Variants in VPS13B observed in about 807,000 individuals in gnomAD.
VPS13B encodes the protein vacuolar protein sorting 13 homolog B.
In VPS13B, 285 loss-of-function variants were observed where a neutral mutation model predicts 426.4. The ratio of observed to expected loss-of-function variants is 0.67; its 90% confidence interval spans 0.61 to 0.74. VPS13B has a LOEUF of 0.74. Among genes scored for constraint, VPS13B ranks in the 30% least tolerant of loss-of-function variants. The pLI is 0.00. For missense variants in VPS13B, 4,537 were observed against 4,782.6 expected (o/e 0.95, Z 1.51); for synonymous variants, 1,676 against 1,676.4 (o/e 1.00, Z 0.01).
intron 4 of VPS13B, among the ~76,000 whole-genome samples, chr8:99,098,681 C>G (rs1453044431): frequency 6.6e-6 from 1 of 151,992 alleles, no homozygotes; most frequent in African/African-American, 2.4e-5. Flanking sequence ...AGGTTTTTGG[C>G]ATAAAATGGC....
At chr8:99,321,325 T>C (rs1809975144) in intron 19 of VPS13B, among the ~76,000 whole-genome samples, 1 of 150,582 alleles carries the variant, frequency 6.6e-6, no homozygotes, top group Non-Finnish European at 1.5e-5. Flanking sequence ...TTCTCCTGCC[T>C]CAGTCTCCTG....
intron 47 of VPS13B, 22 bp from the exon 48 acceptor site, chr8:99,819,390 G>T (rs1247988854): frequency 6.2e-7 from 1 of 1,611,420 alleles, no homozygotes; most frequent in Non-Finnish European, 8.5e-7. Flanking sequence ...AATTATTCTT[G>T]GTTTTTATTT....
At chr8:99,417,642 CTTGAACA>C (rs774013867) in intron 21 of VPS13B, among the ~76,000 whole-genome samples, 1 of 152,126 alleles carries the variant, frequency 6.6e-6, no homozygotes, top group Non-Finnish European at 1.5e-5. Context: ...CTATATATAA[CTTGAACA>C]TTGAATTCTA....
intron 25 of VPS13B, among the ~76,000 whole-genome samples, chr8:99,493,597 C>T (rs1180342957): frequency 6.6e-6 from 1 of 151,732 alleles, no homozygotes; most frequent in Non-Finnish European, 1.5e-5. Context: ...TCATCCTGGC[C>T]AACATGGCAA....
At chr8:99,860,468 A>G (rs1816779691) in intron 57 of VPS13B, among the ~76,000 whole-genome samples, 1 of 152,214 alleles carries the variant, frequency 6.6e-6, no homozygotes, top group Non-Finnish European at 1.5e-5. Context: ...TTTTTATGTT[A>G]AAATAAGACA....
intron 24 of VPS13B, among the ~76,000 whole-genome samples, chr8:99,477,968 C>T (rs1056860560): frequency 2.0e-5 from 3 of 151,934 alleles, no homozygotes; most frequent in Non-Finnish European, 4.4e-5. Flanking sequence ...TATGCTTATT[C>T]CAAAGTTAAA....
chr8:99,579,394 G>C (rs1825934537), intron 33 of VPS13B, among the ~76,000 whole-genome samples: 1 of 152,006 alleles, frequency 6.6e-6, no homozygotes, highest in Admixed American at 6.6e-5. Context: ...AACACTACCA[G>C]AATTTTTTTT....
chr8:99,591,804 C>G lies in VPS13B; in HGVS notation c.5220+14171C>G, dbSNP rs533813323. ...TCAGCATTTTTTCCTTCATTTCAACCTTAATGAATCTCACAATTATGTTTC... is the reference window on the plus strand; with the variant it reads ...TCAGCATTTTTTCCTTCATTTCAACGTTAATGAATCTCACAATTATGTTTC... On this transcript the variant is annotated intron_variant, in intron 33 of 61. Transcript: ENST00000357162. Among the ~76,000 whole-genome samples the G allele has an allele frequency of 4.6e-5, 7 of 152,144 alleles. 1 individual carries two copies. Among genetic ancestry groups the G allele is most frequent in the African/African-American group, 1.7e-4 (7 of 41,536 alleles).
chr8:99,508,963 A>T (rs1313163014), intron 28 of VPS13B, among the ~76,000 whole-genome samples: 1 of 152,056 alleles, frequency 6.6e-6, no homozygotes, highest in Non-Finnish European at 1.5e-5. Flanking sequence ...CTTACATTCC[A>T]CGTTTAAAAT....
At chr8:99,059,358 A>G (rs1283008168) in intron 3 of VPS13B, among the ~76,000 whole-genome samples, 1 of 152,162 alleles carries the variant, frequency 6.6e-6, no homozygotes, top group East Asian at 1.9e-4. Flanking sequence ...TATTTTTGGT[A>G]GAGACGGGGT....
chr8:99,600,688 G>A (rs1231228308), intron 33 of VPS13B, among the ~76,000 whole-genome samples: 1 of 152,158 alleles, frequency 6.6e-6, no homozygotes, highest in Non-Finnish European at 1.5e-5. Context: ...GGCTAACTTT[G>A]CATTTGCCTG....
chr8:99,272,864 A>AC (rs1818671325), intron 17 of VPS13B, among the ~76,000 whole-genome samples: 1 of 152,068 alleles, frequency 6.6e-6, no homozygotes, highest in Non-Finnish European at 1.5e-5. Context: ...AGGTTGAGTG[A>AC]CCCCCTACTC....
intron 51 of VPS13B, among the ~76,000 whole-genome samples, chr8:99,826,954 C>T (rs1814724031): frequency 6.6e-6 from 1 of 152,012 alleles, no homozygotes; most frequent in African/African-American, 2.4e-5. Context: ...TTTTAATGTG[C>T]TGCTGGATTC....
intron 17 of VPS13B, among the ~76,000 whole-genome samples, chr8:99,206,513 C>T (rs1030782031): frequency 6.6e-6 from 1 of 152,126 alleles, no homozygotes; most frequent in South Asian, 2.1e-4. Context: ...AGGATCATGT[C>T]GTTCTGTATG....
intron 35 of VPS13B, among the ~76,000 whole-genome samples, chr8:99,662,971 T>A (rs1312416617): frequency 6.6e-6 from 1 of 152,150 alleles, no homozygotes. Flanking sequence ...GGCACAAGAA[T>A]TGCTTGAACT....
intron 31 of VPS13B, among the ~76,000 whole-genome samples, chr8:99,562,535 C>T (rs1824983323): frequency 6.6e-6 from 1 of 152,192 alleles, no homozygotes; most frequent in Admixed American, 6.5e-5. Context: ...CCAGCCTTAG[C>T]CTCCCAAAGT....
chr8:99,577,764 C>T, intron 33 of VPS13B, 131 bp downstream of exon 33: 4 of 1,208,170 alleles, frequency 3.3e-6, no homozygotes, highest in Non-Finnish European at 4.7e-6. Flanking sequence ...AAAATATAGT[C>T]ATAAGTCATT....
intron 21 of VPS13B, among the ~76,000 whole-genome samples, chr8:99,427,949 A>G (rs1281872940): frequency 6.6e-6 from 1 of 152,180 alleles, no homozygotes; most frequent in African/African-American, 2.4e-5. Context: ...ATATAGAGCA[A>G]TGGAACAGAA....
At chr8:99,097,081 C>G (rs565397628) in intron 4 of VPS13B, among the ~76,000 whole-genome samples, 1 of 152,246 alleles carries the variant, frequency 6.6e-6, no homozygotes, top group South Asian at 2.1e-4. Flanking sequence ...TTGAGGAGAA[C>G]TATTTGCAGG....
Sources: gnomAD v4.1 joint callset for allele counts (sites outside exome capture counted in the v4.1 genomes callset) on GRCh38, gnomAD v4.1.1 for gene constraint, MANE v1.5 for transcripts, NCBI Gene and HGNC (gene_info 2026-07-23, HGNC 2026-07-21) for gene names.